Variants in ADAMTS17 observed in about 807,000 individuals in gnomAD.
ADAMTS17 encodes ADAM metallopeptidase with thrombospondin type 1 motif 17.
ADAMTS17 carries 113 observed loss-of-function variants against 141.5 expected under a neutral mutation model. The observed-to-expected ratio is 0.80, with a 90% CI of 0.69 to 0.93. The LOEUF (loss-of-function observed/expected upper bound fraction) is 0.93, where lower values mean the gene tolerates loss of function less well. Ranked by LOEUF, ADAMTS17 falls within the 40% of genes least tolerant of loss-of-function variation. The pLI, the probability that ADAMTS17 is intolerant of heterozygous loss-of-function variation, is 0.00. For missense variants in ADAMTS17, 1,659 were observed against 1,517.9 expected (o/e 1.09, Z -1.54); for synonymous variants, 768 against 630.6 (o/e 1.22, Z -3.27).
intron 20 of ADAMTS17, among the ~76,000 whole-genome samples, chr15:99,982,652 A>G (rs2060504732): frequency 6.6e-6 from 1 of 152,238 alleles, no homozygotes; most frequent in Non-Finnish European, 1.5e-5. Flanking sequence ...ATCCAAGCAA[A>G]CAGATCTATA....
intron 13 of ADAMTS17, among the ~76,000 whole-genome samples, chr15:100,109,762 C>A (rs549197912): frequency 3.3e-5 from 5 of 152,120 alleles, no homozygotes; most frequent in Non-Finnish European, 5.9e-5. Context: ...CATGACCTCC[C>A]AGAACGCGCC....
rs140045874 is a variant in ADAMTS17, at chr15:100,018,135, C to G, written c.2592-20546G>C. On this transcript the variant is annotated intron_variant, in intron 18 of 21. Transcript: ENST00000268070. ...TTTCTGTTTCTGTGAATTCACTACT[C>G]TAGATGCCTTATATAAGCGGAATCA... 2.9e-4 allele frequency among the ~76,000 whole-genome samples: 44 copies of G among 152,260 alleles called. 1 individual carries two copies. The East Asian group carries it at 8.3e-3, about 29-fold the overall frequency.
intron 3 of ADAMTS17, chr15:100,305,867 T>A (rs1344881023): frequency 6.6e-6 from 1 of 152,184 alleles, no homozygotes; most frequent in East Asian, 1.9e-4. Context: ...ATATATAAAT[T>A]TAAACAAACT....
intron 14 of ADAMTS17, among the ~76,000 whole-genome samples, chr15:100,097,625 C>T (rs1302212898): frequency 1.2e-4 from 18 of 152,368 alleles, no homozygotes; most frequent in Non-Finnish European, 2.2e-4. Context: ...CAGCAGTTCT[C>T]CAACTTAAGT....
chr15:100,117,627 G>C (rs2037220745), intron 12 of ADAMTS17, among the ~76,000 whole-genome samples: 1 of 152,134 alleles, frequency 6.6e-6, no homozygotes, highest in Non-Finnish European at 1.5e-5. Flanking sequence ...TGCTGAGGCT[G>C]GGGTTTTAAG....
chr15:100,143,342 T>C (rs556644213), intron 10 of ADAMTS17, among the ~76,000 whole-genome samples: 1 of 152,338 alleles, frequency 6.6e-6, no homozygotes. Context: ...AGCTTGAAAG[T>C]GTTGTTAAAT....
intron 7 of ADAMTS17, among the ~76,000 whole-genome samples, chr15:100,243,006 C>A (rs566036893): frequency 1.3e-5 from 2 of 152,210 alleles, no homozygotes; most frequent in African/African-American, 4.8e-5. Flanking sequence ...CAGCTCCTGG[C>A]AACTGCCATC....
Position 100,324,593 on chromosome 15 carries a change from C to T in ADAMTS17, c.616+6296G>A, listed in dbSNP as rs149777489. ...AGGGTCAGTGAGAAGGGAAGCATAA[C>T]TTCCTGTCTACAAATACTAAGATTC... On this transcript the variant is annotated intron_variant, in intron 3 of 21. Coordinates refer to ENST00000268070, the MANE Select transcript of ADAMTS17 (RefSeq NM_139057.4). Among the ~76,000 whole-genome samples the T allele has an allele frequency of 2.6e-5, 4 of 152,294 alleles. No homozygotes were observed. The East Asian group carries it at 7.7e-4, about 29-fold the overall frequency.
rs189238908 is a variant in ADAMTS17, at chr15:100,299,944, A to T, written c.617-18543T>A. ...CTCCTCTGTACCTCTTGTGCTGAGA[A>T]GGGCACCAGGAACACAGGTGGTGTT... On this transcript the variant is annotated intron_variant, in intron 3 of 21. Transcript: ENST00000268070. Among the ~76,000 whole-genome samples the T allele has an allele frequency of 8.0e-4, 122 of 152,338 alleles. 2 individuals carry two copies. Among genetic ancestry groups the T allele is most frequent in the Admixed American group, 7.2e-3 (110 of 15,310 alleles).
In ADAMTS17 at chr15:99,974,398, C is replaced by G. The variant is rs200989311; in HGVS notation, c.*4G>C. 1 of 1,614,098 alleles carries G rather than the reference C, an allele frequency of 6.2e-7. No individual in the cohort carries two copies. Among genetic ancestry groups the G allele is most frequent in the East Asian group, 2.2e-5 (1 of 44,884 alleles). ...GAGCTTTGAGCGACCCTTGGGACTG[C>G]GTGTCACGAGTTCGGCGGTGGCTGG... On this transcript the variant is annotated 3_prime_UTR_variant, in exon 22 of 22. Transcript: ENST00000268070.
In ADAMTS17 at chr15:100,006,335, C is replaced by T. The variant is rs2061035926; in HGVS notation, c.2592-8746G>A. 3.3e-5 allele frequency among the ~76,000 whole-genome samples: 5 copies of T among 152,322 alleles called. No individual in the cohort carries two copies. The South Asian group carries it at 1.0e-3, about 32-fold the overall frequency. ...CTGCCAACCACACACTCACTGCATT[C>T]CCAATTCTGAAAAAACTCAGCTCCT... On this transcript the variant is annotated intron_variant, in intron 18 of 21. Coordinates refer to ENST00000268070, the MANE Select transcript of ADAMTS17 (RefSeq NM_139057.4).
Position 100,224,379 on chromosome 15 carries a change from G to A in ADAMTS17, c.1076-24956C>T, listed in dbSNP as rs545939172. On this transcript the variant is annotated intron_variant, in intron 7 of 21. Transcript: ENST00000268070. ...ACAGGATGGGGAGGCTTTGGTGGGC[G>A]GTAACTTCCTCCTTTGCAGCCAGCC... Among the ~76,000 whole-genome samples the A allele has an allele frequency of 2.6e-5, 4 of 152,216 alleles. No individual in the cohort carries two copies. In the South Asian group the frequency reaches 6.2e-4, roughly 24 times the overall value.
At chr15:100,054,913 G>A (rs1290408726) in intron 15 of ADAMTS17, among the ~76,000 whole-genome samples, 1 of 152,112 alleles carries the variant, frequency 6.6e-6, no homozygotes, top group Non-Finnish European at 1.5e-5. Context: ...GATTTTTCTT[G>A]TGTCTTCCCA....
chr15:100,162,028 T>C (rs1015751990), intron 8 of ADAMTS17, among the ~76,000 whole-genome samples: 1 of 152,198 alleles, frequency 6.6e-6, no homozygotes, highest in Admixed American at 6.5e-5. Context: ...TCAGTAAGAA[T>C]CATCCTAAAA....
At chr15:100,005,663 T>C (rs8023796) in intron 18 of ADAMTS17, among the ~76,000 whole-genome samples, 5,359 of 152,246 alleles carry the variant, frequency 0.035, 251 homozygotes, top group South Asian at 0.09. Flanking sequence ...CGATAATCAG[T>C]TGGCCTTAAA....
chr15:100,238,428 G>C (rs1035705207), intron 7 of ADAMTS17, among the ~76,000 whole-genome samples: 4 of 152,348 alleles, frequency 2.6e-5, no homozygotes, highest in Middle Eastern at 3.4e-3. Context: ...CCCAGGGCTG[G>C]AGCCGGGCCT....
At chr15:100,135,280 T>G (rs1185499037) in intron 10 of ADAMTS17, among the ~76,000 whole-genome samples, 2 of 147,628 alleles carry the variant, frequency 1.4e-5, no homozygotes, top group South Asian at 2.2e-4. Context: ...ATATTAAAAT[T>G]AACAACTTTT....
intron 8 of ADAMTS17, among the ~76,000 whole-genome samples, chr15:100,166,352 T>G (rs2039951374): frequency 6.6e-6 from 1 of 152,208 alleles, no homozygotes; most frequent in East Asian, 2.0e-4. Flanking sequence ...GCAATTCTCA[T>G]TTTGCTTCAT....
intron 3 of ADAMTS17, among the ~76,000 whole-genome samples, chr15:100,310,036 G>A (rs1469550037): frequency 3.3e-5 from 5 of 152,226 alleles, no homozygotes; most frequent in East Asian, 1.9e-4. Flanking sequence ...TGCAACAGCC[G>A]AGCCGTCCTC....
Sources: allele counts gnomAD v4.1 joint callset (sites outside exome capture counted in the v4.1 genomes callset), GRCh38; gene constraint gnomAD v4.1.1; transcripts MANE v1.5; gene names NCBI Gene and HGNC (gene_info 2026-07-23, HGNC 2026-07-21).